CSMD2: variants seen among roughly 807,000 people sequenced by gnomAD.
The protein encoded by CSMD2 is CUB and Sushi multiple domains 2, also known as CUB and sushi domain-containing protein 2.
In CSMD2, 130 loss-of-function variants were observed where a neutral mutation model predicts 398.5. The observed-to-expected ratio is 0.33, with a 90% CI of 0.28 to 0.38. CSMD2 has a LOEUF of 0.38. Among genes scored for constraint, CSMD2 ranks in the 10% least tolerant of loss-of-function variants. CSMD2 has a pLI of 1.00. For missense variants in CSMD2, 3,829 were observed against 4,764.9 expected (o/e 0.80, Z 5.78); for synonymous variants, 1,828 against 1,908.5 (o/e 0.96, Z 1.10).
intron 25 of CSMD2, among the ~76,000 whole-genome samples, chr1:33,675,286 G>A (rs1004280000): frequency 2.6e-5 from 4 of 152,050 alleles, no homozygotes; most frequent in African/African-American, 7.2e-5. Context: ...TATCACCACC[G>A]ATCCCACAGA....
intron 3 of CSMD2, among the ~76,000 whole-genome samples, chr1:33,983,936 T>C (rs1407193854): frequency 2.0e-5 from 3 of 152,238 alleles, no homozygotes; most frequent in Middle Eastern, 6.8e-3. Flanking sequence ...GTGGATCACC[T>C]AAGGTCAGGA....
chr1:33,879,751 C>G (rs1641103441), intron 5 of CSMD2, among the ~76,000 whole-genome samples: 1 of 152,144 alleles, frequency 6.6e-6, no homozygotes, highest in Admixed American at 6.5e-5. Context: ...ATGAACTTGG[C>G]AAGTTAGCAA....
intron 29 of CSMD2, 102 bp downstream of exon 29, chr1:33,646,546 G>T: frequency 7.9e-7 from 1 of 1,270,522 alleles, no homozygotes; most frequent in Non-Finnish European, 1.1e-6. Flanking sequence ...GTGTGGGCTT[G>T]CTGTGGTCCA....
At chr1:33,726,773 A>G (rs1646547273) in intron 15 of CSMD2, 88 bp from the exon 16 acceptor site, 1 of 1,383,532 alleles carries the variant, frequency 7.2e-7, no homozygotes, top group Admixed American at 2.5e-5. Flanking sequence ...GTGTCAGGCA[A>G]TAAGTATAGT....
At chr1:34,134,398 C>T (rs1372455071) in intron 1 of CSMD2, among the ~76,000 whole-genome samples, 1 of 152,132 alleles carries the variant, frequency 6.6e-6, no homozygotes, top group African/African-American at 2.4e-5. Context: ...ATTTTCATTT[C>T]CAAATAAGTA....
rs553864459 is a variant in CSMD2, at chr1:33,608,922, T to C, written c.6343+2119A>G. On this transcript the variant is annotated intron_variant, in intron 41 of 70. Coordinates refer to ENST00000373381, the MANE Select transcript of CSMD2 (RefSeq NM_001281956.2). ...AACAAACTAAGACACAGGAAAGCCT[T>C]GGGGGAAGGCGTTGCATCTGTCTCT... Among the ~76,000 whole-genome samples, 3 of 152,286 alleles carry C rather than the reference T, an allele frequency of 2.0e-5. No homozygotes were observed. The East Asian group carries it at 5.8e-4, about 29-fold the overall frequency.
intron 37 of CSMD2, among the ~76,000 whole-genome samples, chr1:33,619,385 G>C (rs1009459087): frequency 2.6e-5 from 4 of 152,164 alleles, no homozygotes; most frequent in African/African-American, 9.7e-5. Flanking sequence ...AGGGGCTCAT[G>C]GAAAAGAAAC....
intron 2 of CSMD2, among the ~76,000 whole-genome samples, chr1:34,087,659 A>AAG (rs1558363280): frequency 3.3e-4 from 44 of 134,362 alleles, no homozygotes; most frequent in African/African-American, 1.2e-3. Context: ...ATAATAATAA[A>AAG]GCCAGCACTC....
chr1:33,814,813 C>A (rs752945095), intron 9 of CSMD2, among the ~76,000 whole-genome samples: 1 of 152,112 alleles, frequency 6.6e-6, no homozygotes, highest in Non-Finnish European at 1.5e-5. Context: ...GTGTTCCCAG[C>A]AGAATGACTT....
chr1:33,756,254 G>A (rs866770136), intron 13 of CSMD2, among the ~76,000 whole-genome samples: 3 of 152,152 alleles, frequency 2.0e-5, no homozygotes, highest in African/African-American at 2.4e-5. Context: ...TCTTCTGAAC[G>A]CCAGACCTGT....
intron 5 of CSMD2, among the ~76,000 whole-genome samples, chr1:33,898,149 G>A (rs1642513874): frequency 6.6e-6 from 1 of 152,164 alleles, no homozygotes; most frequent in African/African-American, 2.4e-5. Flanking sequence ...ATGGAGTCAG[G>A]TTGCTAAAAA....
intron 1 of CSMD2, among the ~76,000 whole-genome samples, chr1:34,123,353 G>A (rs899608269): frequency 6.6e-6 from 1 of 152,160 alleles, no homozygotes; most frequent in Non-Finnish European, 1.5e-5. Context: ...GGAGGTTTGT[G>A]TGCCCAGGGA....
At chr1:33,745,099 A>C (rs1032223774) in intron 13 of CSMD2, among the ~76,000 whole-genome samples, 2 of 152,250 alleles carry the variant, frequency 1.3e-5, no homozygotes, top group Admixed American at 1.3e-4. Context: ...AATGTGATAC[A>C]GTTTGACTGC....
chr1:33,860,386 G>A (rs1639403727), intron 5 of CSMD2: 1 of 152,192 alleles, frequency 6.6e-6, no homozygotes, highest in African/African-American at 2.4e-5. Context: ...TCATGGCGGT[G>A]AGATGCTGTT....
intron 3 of CSMD2, among the ~76,000 whole-genome samples, chr1:34,012,958 C>A (rs1647565495): frequency 6.6e-6 from 1 of 152,190 alleles, no homozygotes; most frequent in Non-Finnish European, 1.5e-5. Context: ...GGGTTCCCAT[C>A]TGCAATGGGC....
chr1:33,764,952 G>C (rs905728611), intron 13 of CSMD2, among the ~76,000 whole-genome samples: 21 of 152,194 alleles, frequency 1.4e-4, no homozygotes, highest in Non-Finnish European at 2.9e-4. Context: ...GGTCAGGGTG[G>C]GAGGAGAAAT....
intron 13 of CSMD2, chr1:33,772,355 T>C (rs1052900343): frequency 2.2e-5 from 11 of 509,170 alleles, no homozygotes; most frequent in Non-Finnish European, 3.9e-5. Flanking sequence ...CATCCCCAAA[T>C]GTCAGGAGCA....
rs16836095 is a variant in CSMD2 at position 33,934,711 on chromosome 1, G to A, written c.712+1049C>T. Among the ~76,000 whole-genome samples the A allele has an allele frequency of 3.1e-3, 476 of 151,894 alleles. 6 individuals are homozygous for A. In the East Asian group the frequency reaches 0.049, roughly 16 times the overall value. ...ATTTTCTAAGCTTTTAAAAATGATC[G>A]TGTGCCACGTATGGTGGCTTATGCC... is the stretch of plus-strand genomic sequence containing the variant. On this transcript the variant is annotated intron_variant, in intron 4 of 70. Coordinates refer to ENST00000373381, the MANE Select transcript of CSMD2 (RefSeq NM_001281956.2).
intron 6 of CSMD2, among the ~76,000 whole-genome samples, chr1:33,840,703 C>T (rs1660764162): frequency 6.6e-6 from 1 of 152,184 alleles, no homozygotes; most frequent in Admixed American, 6.5e-5. Context: ...TTTTGTGTGC[C>T]TACATCAGTA....
Sources: gnomAD v4.1 joint callset for allele counts (sites outside exome capture counted in the v4.1 genomes callset) on GRCh38, gnomAD v4.1.1 for gene constraint, MANE v1.5 for transcripts, NCBI Gene and HGNC (gene_info 2026-07-23, HGNC 2026-07-21) for gene names.